EXOC6: variants seen among roughly 807,000 people sequenced by gnomAD.
EXOC6 encodes SEC15-like 1.
In EXOC6, 60 loss-of-function variants were observed where a neutral mutation model predicts 112.5. The observed-to-expected ratio is 0.53, with a 90% CI of 0.43 to 0.66. EXOC6 has a LOEUF of 0.66. Among genes scored for constraint, EXOC6 ranks in the 30% least tolerant of loss-of-function variants. The pLI, the probability that EXOC6 is intolerant of heterozygous loss-of-function variation, is 0.00. For missense variants in EXOC6, 855 were observed against 957.1 expected (o/e 0.89, Z 1.41); for synonymous variants, 295 against 308.0 (o/e 0.96, Z 0.44).
At chr10:92,936,885 T>C (rs544658306) in intron 12 of EXOC6, among the ~76,000 whole-genome samples, 2 of 152,116 alleles carry the variant, frequency 1.3e-5, no homozygotes, top group Non-Finnish European at 2.9e-5. Context: ...GGGAGTAATA[T>C]TATCCTCTCC....
chr10:92,914,373 A>T (rs1470778609), intron 6 of EXOC6, among the ~76,000 whole-genome samples: 1 of 152,228 alleles, frequency 6.6e-6, no homozygotes, highest in African/African-American at 2.4e-5. Flanking sequence ...ACCTGAGTTA[A>T]ATAAAGTTAA....
chr10:92,966,281 A>AATTATT (rs35262709), intron 17 of EXOC6, among the ~76,000 whole-genome samples: 28,495 of 134,666 alleles, frequency 0.21, 3,414 homozygotes, highest in East Asian at 0.6. Flanking sequence ...ATGTAATTAT[A>AATTATT]ATTATTATTA....
At chr10:92,858,596 T>TA (rs1234987086) in intron 1 of EXOC6, among the ~76,000 whole-genome samples, 1 of 152,000 alleles carries the variant, frequency 6.6e-6, no homozygotes, top group African/African-American at 2.4e-5. Flanking sequence ...TTCCAATTAT[T>TA]AAAAAAAATA....
chr10:92,888,557 T>G (rs1157961986), intron 1 of EXOC6, among the ~76,000 whole-genome samples: 1 of 152,218 alleles, frequency 6.6e-6, no homozygotes, highest in African/African-American at 2.4e-5. Flanking sequence ...GACTCTGTAT[T>G]CGGGTAGTCC....
At chr10:92,867,275 C>T (rs555797760) in intron 1 of EXOC6, among the ~76,000 whole-genome samples, 2 of 152,046 alleles carry the variant, frequency 1.3e-5, no homozygotes, top group Non-Finnish European at 2.9e-5. Context: ...CTCTATCATC[C>T]GTCTATAAGG....
At chr10:92,975,722 G>A (rs1196825275) in intron 18 of EXOC6, among the ~76,000 whole-genome samples, 2 of 124,220 alleles carry the variant, frequency 1.6e-5, no homozygotes, top group South Asian at 2.7e-4. Flanking sequence ...CCGGCCAGCC[G>A]CCCCGTCCGG....
intron 5 of EXOC6, among the ~76,000 whole-genome samples, chr10:92,907,012 T>C (rs1243349126): frequency 6.6e-6 from 1 of 152,180 alleles, no homozygotes; most frequent in Non-Finnish European, 1.5e-5. Flanking sequence ...TGGCTAAATT[T>C]TAGAAAGGAT....
chr10:92,953,869 G>A (rs1853550793), intron 15 of EXOC6, among the ~76,000 whole-genome samples: 1 of 152,100 alleles, frequency 6.6e-6, no homozygotes, highest in Non-Finnish European at 1.5e-5. Flanking sequence ...AATGAAAATG[G>A]ATAACTTAGT....
chr10:92,931,577 T>C lies in EXOC6; in HGVS notation c.973-2567T>C, dbSNP rs1272765052. Reference sequence around the variant, plus strand: ...ATCTCTGGTAAAATGTCTATTCAAATCTTTTGTCCATTCCACGCTCTAGGA... The same window carrying C: ...ATCTCTGGTAAAATGTCTATTCAAACCTTTTGTCCATTCCACGCTCTAGGA... On this transcript the variant is annotated intron_variant, in intron 9 of 21. Transcript: ENST00000260762. Among the ~76,000 whole-genome samples, 11 of 151,340 alleles carry C rather than the reference T, an allele frequency of 7.3e-5. No individual in the cohort carries two copies. The East Asian group carries it at 2.2e-3, about 31-fold the overall frequency.
intron 7 of EXOC6, 199 bp downstream of exon 7, chr10:92,916,112 A>T: frequency 2.4e-6 from 1 of 414,596 alleles, no homozygotes. Context: ...GCTGTCATGG[A>T]CGATTAGCCT....
At chr10:92,973,155 A>T (rs888601672) in intron 17 of EXOC6, among the ~76,000 whole-genome samples, 1 of 152,228 alleles carries the variant, frequency 6.6e-6, no homozygotes, top group South Asian at 2.1e-4. Flanking sequence ...GTAAATAGGC[A>T]TGGAGTCTTC....
At position 92,932,242 on chromosome 10, in the gene EXOC6, A is replaced by C. The variant is rs1852080593; in HGVS notation, c.973-1902A>C. The stretch of plus-strand genomic sequence containing the variant: ...AGTAATGTTATATGACATTTTTGAA[A>C]AGACAAAACTCTAGGACAGAATGGG... On this transcript the variant is annotated intron_variant, in intron 9 of 21. Transcript: ENST00000260762. Among the ~76,000 whole-genome samples the C allele has an allele frequency of 2.0e-5, 3 of 152,188 alleles. No homozygotes were observed. The South Asian group carries it at 6.2e-4, about 32-fold the overall frequency.
intron 19 of EXOC6, among the ~76,000 whole-genome samples, chr10:93,011,637 C>T (rs757217561): frequency 2.6e-5 from 4 of 152,116 alleles, no homozygotes; most frequent in Non-Finnish European, 4.4e-5. Flanking sequence ...AAAAGGCCAA[C>T]ATAAAATAAT....
chr10:92,953,850 TAAA>T (rs1435223526), intron 15 of EXOC6, among the ~76,000 whole-genome samples: 1 of 152,194 alleles, frequency 6.6e-6, no homozygotes, highest in South Asian at 2.1e-4. Flanking sequence ...TTTGAAGACT[TAAA>T]AAATCAATGA....
At chr10:92,881,452 T>C (rs1848960589) in intron 1 of EXOC6, among the ~76,000 whole-genome samples, 1 of 152,208 alleles carries the variant, frequency 6.6e-6, no homozygotes, top group Non-Finnish European at 1.5e-5. Flanking sequence ...CTCTGAAGAA[T>C]AGGTTCAGTG....
At chr10:92,977,052 C>T (rs916231819) in intron 18 of EXOC6, among the ~76,000 whole-genome samples, 1 of 151,854 alleles carries the variant, frequency 6.6e-6, no homozygotes, top group Non-Finnish European at 1.5e-5. Flanking sequence ...TCTTATGATA[C>T]GATATAGCTG....
At chr10:92,973,813 T>C (rs1842389953) in intron 17 of EXOC6, among the ~76,000 whole-genome samples, 1 of 152,098 alleles carries the variant, frequency 6.6e-6, no homozygotes. Flanking sequence ...CATAAAGTAT[T>C]CTATCACATA....
chr10:92,969,537 A>G (rs1842199318), intron 17 of EXOC6, among the ~76,000 whole-genome samples: 1 of 151,970 alleles, frequency 6.6e-6, no homozygotes, highest in Non-Finnish European at 1.5e-5. Context: ...CTAGATTCCT[A>G]TTTTTCCATA....
At position 93,022,538 on chromosome 10, in the gene EXOC6, A is replaced by G. The variant is rs150288642; in HGVS notation, c.2169+8271A>G. Among the ~76,000 whole-genome samples the G allele has an allele frequency of 6.3e-3, 952 of 152,290 alleles. 8 individuals are homozygous for G. The highest frequency in any genetic ancestry group is 0.022 in the African/African-American group (903 of 41,568). ...TCTTCTTGGACTTCTGTATTCCAAA[A>G]TAAGAATATGCAACTAATTCCTTAG... On this transcript the variant is annotated intron_variant, in intron 20 of 21. Coordinates refer to ENST00000260762, the MANE Select transcript of EXOC6 (RefSeq NM_019053.6).
Sources: gnomAD v4.1 joint callset for allele counts (sites outside exome capture counted in the v4.1 genomes callset) on GRCh38, gnomAD v4.1.1 for gene constraint, MANE v1.5 for transcripts, NCBI Gene and HGNC (gene_info 2026-07-23, HGNC 2026-07-21) for gene names.